EXOC6B: variants seen among roughly 807,000 people sequenced by gnomAD.
EXOC6B encodes SEC15 homolog B.
EXOC6B carries 54 observed loss-of-function variants against 113.5 expected under a neutral mutation model. That is an observed-to-expected ratio of 0.48 (90% CI 0.38 to 0.60). The LOEUF (loss-of-function observed/expected upper bound fraction) is 0.60. EXOC6B is among the 20% of genes least tolerant of loss of function. The pLI is 0.00. For missense variants in EXOC6B, 797 were observed against 977.5 expected, an observed-to-expected ratio of 0.82 and a Z score of 2.46; for synonymous variants, 357 against 339.0, an observed-to-expected ratio of 1.05 and a Z score of -0.58.
At chr2:72,349,450 C>G (rs941028593) in intron 19 of EXOC6B, among the ~76,000 whole-genome samples, 1 of 152,140 alleles carries the variant, frequency 6.6e-6, no homozygotes, top group African/African-American at 2.4e-5. Flanking sequence ...AGCTTTGAGC[C>G]CCATCCCTGA....
intron 20 of EXOC6B, among the ~76,000 whole-genome samples, chr2:72,274,843 C>T (rs1016879021): frequency 6.6e-6 from 1 of 152,046 alleles, no homozygotes; most frequent in Non-Finnish European, 1.5e-5. Flanking sequence ...TTTAGTCTAA[C>T]GAAAGATGTT....
At chr2:72,242,844 C>T (rs1014698351) in intron 20 of EXOC6B, among the ~76,000 whole-genome samples, 4 of 152,168 alleles carry the variant, frequency 2.6e-5, no homozygotes, top group Non-Finnish European at 4.4e-5. Context: ...GTGATCTTCC[C>T]ACCTCAGCTT....
At chr2:72,570,230 T>C (rs1704436078) in intron 7 of EXOC6B, among the ~76,000 whole-genome samples, 1 of 152,114 alleles carries the variant, frequency 6.6e-6, no homozygotes, top group Non-Finnish European at 1.5e-5. Flanking sequence ...AAGGCAACTA[T>C]CTGCAAGCCA....
At chr2:72,776,113 T>C (rs1338979652) in intron 1 of EXOC6B, among the ~76,000 whole-genome samples, 1 of 152,152 alleles carries the variant, frequency 6.6e-6, no homozygotes, top group East Asian at 1.9e-4. Context: ...CACACATATA[T>C]ACATATACCC....
At chr2:72,560,782 C>T (rs975252406) in intron 7 of EXOC6B, among the ~76,000 whole-genome samples, 2 of 150,898 alleles carry the variant, frequency 1.3e-5, no homozygotes, top group Non-Finnish European at 3.0e-5. Flanking sequence ...TTAAGTGAAT[C>T]TAAAAACTGA....
At chr2:72,234,845 C>T (rs1323801728) in intron 20 of EXOC6B, among the ~76,000 whole-genome samples, 1 of 151,954 alleles carries the variant, frequency 6.6e-6, no homozygotes, top group Non-Finnish European at 1.5e-5. Context: ...TCATGAGACA[C>T]CATCTCATAC....
intron 1 of EXOC6B, among the ~76,000 whole-genome samples, chr2:72,760,180 T>C (rs1400344016): frequency 2.0e-5 from 3 of 152,166 alleles, no homozygotes; most frequent in Non-Finnish European, 4.4e-5. Flanking sequence ...TTAAGATAAT[T>C]CATAGTTCCA....
chr2:72,579,492 C>G (rs1011908201), intron 6 of EXOC6B, among the ~76,000 whole-genome samples: 1 of 151,928 alleles, frequency 6.6e-6, no homozygotes, highest in Non-Finnish European at 1.5e-5. Context: ...GAGATTTGGC[C>G]CAATAAAAAC....
intron 20 of EXOC6B, among the ~76,000 whole-genome samples, chr2:72,317,590 C>A (rs1454289732): frequency 6.6e-6 from 1 of 151,774 alleles, no homozygotes; most frequent in Non-Finnish European, 1.5e-5. Context: ...CACACACACA[C>A]ACACACTGCT....
At chr2:72,823,475 AAAAC>A (rs1268500132) in intron 1 of EXOC6B, among the ~76,000 whole-genome samples, 14 of 112,470 alleles carry the variant, frequency 1.2e-4, no homozygotes, top group African/African-American at 3.1e-4. Flanking sequence ...AAAAAAAAAA[AAAAC>A]AAAAAACAAA....
At chr2:72,334,471 C>A (rs1688578117) in intron 20 of EXOC6B, among the ~76,000 whole-genome samples, 1 of 152,066 alleles carries the variant, frequency 6.6e-6, no homozygotes, top group African/African-American at 2.4e-5. Context: ...GGCGGGAAGA[C>A]TTAAGGCAGC....
chr2:72,462,486 T>C (rs1697752332), intron 18 of EXOC6B: 1 of 151,990 alleles, frequency 6.6e-6, no homozygotes, highest in Non-Finnish European at 1.5e-5. Context: ...TTAATTTTTG[T>C]GGGGGAGGGC....
chr2:72,519,016 A>G (rs779203025), intron 8 of EXOC6B, among the ~76,000 whole-genome samples: 3 of 152,332 alleles, frequency 2.0e-5, no homozygotes, highest in Middle Eastern at 3.4e-3. Flanking sequence ...GAGAGGGAAC[A>G]TAAGTAGATG....
chr2:72,212,540 A>AGT (rs1680258971), intron 20 of EXOC6B, among the ~76,000 whole-genome samples: 1 of 152,204 alleles, frequency 6.6e-6, no homozygotes, highest in Non-Finnish European at 1.5e-5. Flanking sequence ...TGAGTGCATA[A>AGT]TAAAACGCCT....
chr2:72,483,251 C>T (rs1699211292), intron 16 of EXOC6B, among the ~76,000 whole-genome samples: 1 of 152,076 alleles, frequency 6.6e-6, no homozygotes, highest in Non-Finnish European at 1.5e-5. Context: ...AAGGTGGCTA[C>T]TGGAAAGGTT....
At chr2:72,652,294 C>T (rs1481762276) in intron 6 of EXOC6B, among the ~76,000 whole-genome samples, 3 of 151,910 alleles carry the variant, frequency 2.0e-5, no homozygotes, top group Non-Finnish European at 4.4e-5. Flanking sequence ...CATCTGGCAA[C>T]CATGCAGTAT....
At chr2:72,761,520 CT>C (rs549947773) in intron 1 of EXOC6B, among the ~76,000 whole-genome samples, 14 of 150,974 alleles carry the variant, frequency 9.3e-5, no homozygotes, top group Admixed American at 4.6e-4. Context: ...GCAGCAGCAT[CT>C]TTTTTTTTAA....
At chr2:72,649,590 T>C (rs893046388) in intron 6 of EXOC6B, among the ~76,000 whole-genome samples, 7 of 151,822 alleles carry the variant, frequency 4.6e-5, no homozygotes, top group African/African-American at 1.7e-4. Flanking sequence ...ATAAATAAAA[T>C]TTACATGAAA....
intron 2 of EXOC6B, among the ~76,000 whole-genome samples, chr2:72,733,967 C>A (rs1302289987): frequency 6.6e-6 from 1 of 152,172 alleles, no homozygotes; most frequent in African/African-American, 2.4e-5. Context: ...AGCAGGTACT[C>A]TGCACATGCA....
Sources: allele counts gnomAD v4.1 joint callset (sites outside exome capture counted in the v4.1 genomes callset), GRCh38; gene constraint gnomAD v4.1.1; transcripts MANE v1.5; gene names NCBI Gene and HGNC (gene_info 2026-07-23, HGNC 2026-07-21).